KCNMB1: variants seen among roughly 807,000 people sequenced by gnomAD.
KCNMB1 encodes the protein calcium-activated potassium channel subunit beta-1.
In KCNMB1, 22 loss-of-function variants were observed where a neutral mutation model predicts 21.7. The ratio of observed to expected loss-of-function variants is 1.01; its 90% CI spans 0.72 to 1.45. The LOEUF (loss-of-function observed/expected upper bound fraction) is 1.45. Ranked by LOEUF, KCNMB1 falls within the 40% of genes most tolerant of loss-of-function variation. The pLI is 0.00. For synonymous variants in KCNMB1, 114 were observed against 107.6 expected (o/e 1.06, Z -0.37); for missense variants, 243 against 243.4 (o/e 1.00, Z 0.01).
At chr5:170,386,063 T>G (rs1192487109) in intron 1 of KCNMB1, among the ~76,000 whole-genome samples, 4 of 151,432 alleles carry the variant, frequency 2.6e-5, no homozygotes, top group Admixed American at 2.6e-4. Context: ...GAGGCGGAGC[T>G]TGCAGTGAGC....
chr5:170,383,560 C>G, intron 3 of KCNMB1, 119 bp downstream of exon 3: 1 of 1,111,938 alleles, frequency 9.0e-7, no homozygotes, highest in South Asian at 1.3e-5. Flanking sequence ...CTCATTCCAG[C>G]TGTGAGACCT....
intron 2 of KCNMB1, among the ~76,000 whole-genome samples, 161 bp from the exon 3 acceptor site, chr5:170,384,011 GT>G (rs1005652371): frequency 7.2e-5 from 11 of 152,200 alleles, no homozygotes; most frequent in Non-Finnish European, 1.3e-4. Context: ...TGACCCCACA[GT>G]CCCCGGACAC....
intron 3 of KCNMB1, among the ~76,000 whole-genome samples, chr5:170,379,715 G>A (rs753322955): frequency 1.3e-5 from 2 of 152,262 alleles, no homozygotes; most frequent in Admixed American, 6.5e-5. Flanking sequence ...TTGGGAAGCC[G>A]AAGGGGAAGG....
Position 170,378,738 on chromosome 5 carries a change from T to A in KCNMB1, c.542A>T (p.Asn181Ile), listed in dbSNP as rs775245071. Residue 181 changes from asparagine (N) to isoleucine (I), a missense_variant, in exon 4 of 4, where the codon AAC becomes ATC. Physicochemically the swap from Asn to Ile is moderately radical, Grantham distance 149. Coordinates refer to ENST00000274629, the MANE Select transcript of KCNMB1 (RefSeq NM_004137.4). ...GLLIIAMVKS[N>I]QYLSILAAQK Reference sequence around the variant, plus strand: ...GGCCGCCAGGATGGACAGGTACTGGTTGCTCTTCACCATGGCGATAATGAG... The same window carrying A: ...GGCCGCCAGGATGGACAGGTACTGGATGCTCTTCACCATGGCGATAATGAG... The A allele has an allele frequency of 5.6e-6, 9 of 1,613,944 alleles. No homozygotes were observed. Among genetic ancestry groups the A allele is most frequent in the Non-Finnish European group, 7.6e-6 (9 of 1,179,954 alleles).
chr5:170,388,517 C>T (rs1441597776), intron 1 of KCNMB1, among the ~76,000 whole-genome samples: 3 of 152,158 alleles, frequency 2.0e-5, no homozygotes, highest in Non-Finnish European at 4.4e-5. Context: ...ATATATCTTC[C>T]CATTTAGAAA....
chr5:170,375,243 T>C lies in KCNMB1; in HGVS notation c.*3461A>G, dbSNP rs942951421. 3 of 152,190 alleles carry C rather than the reference T, an allele frequency of 2.0e-5. No homozygotes were observed. Among genetic ancestry groups the C allele is most frequent in the Admixed American group, 1.3e-4 (2 of 15,288 alleles). 9.4% of individuals were successfully genotyped at this position (152,190 alleles called of 1,614,324 possible). A position where few individuals can be genotyped will look rare whatever the true frequency, so the allele number is the denominator to read the frequency against. On this transcript the variant is annotated 3_prime_UTR_variant, in exon 4 of 4. Coordinates refer to ENST00000274629, the MANE Select transcript of KCNMB1 (RefSeq NM_004137.4). ...AATATTTTGCAAAACTATAGTACAA[T>C]ATTACAATTAAGACTTTCTTAAAAG...
chr5:170,385,583 T>C (rs1764436312), intron 1 of KCNMB1, 112 bp from the exon 2 acceptor site: 11 of 1,024,880 alleles, frequency 1.1e-5, no homozygotes, highest in Non-Finnish European at 1.4e-5. Context: ...CACTCTTGTT[T>C]ATATTTGGAG....
In KCNMB1 at chr5:170,382,940, C is replaced by CAAGGAAGGAAGGAAGG. The variant is rs60329523; in HGVS notation, c.306+723_306+738dup. 4.6e-5 allele frequency: 6 copies of CAAGGAAGGAAGGAAGG among 131,156 alleles called. No individual in the cohort carries two copies. In the East Asian group the frequency reaches 1.1e-3, roughly 25 times the overall value. The allele number at this position is 131,156 out of a possible 1,614,324, so 8.1% of individuals were successfully genotyped here. On this transcript the variant is annotated intron_variant, in intron 3 of 3. Coordinates refer to ENST00000274629, the MANE Select transcript of KCNMB1 (RefSeq NM_004137.4). ...TAAATGAGAGGAGGAAAGAAGGAAA[C>CAAGGAAGGAAGGAAGG]AAGGAAGGAAGGAAGGAAGGAAGGA...
At chr5:170,380,109 G>A (rs964292564) in intron 3 of KCNMB1, among the ~76,000 whole-genome samples, 17 of 152,228 alleles carry the variant, frequency 1.1e-4, no homozygotes, top group African/African-American at 4.1e-4. Flanking sequence ...TGTGCCAGCA[G>A]AGCATGACAC....
At position 170,378,711 on chromosome 5, in the gene KCNMB1, T is replaced by A; in HGVS notation, c.569A>T (p.Gln190Leu). 2.5e-6 allele frequency: 4 copies of A among 1,610,144 alleles called. No homozygotes were observed. Among genetic ancestry groups the A allele is most frequent in the Non-Finnish European group, 3.4e-6 (4 of 1,178,166 alleles). ...SNQYLSILAA[Q>L]K ...TGGCATGGATGGATGGCTCTACTTCTGGGCCGCCAGGATGGACAGGTACTG... is the reference window on the plus strand; with the variant it reads ...TGGCATGGATGGATGGCTCTACTTCAGGGCCGCCAGGATGGACAGGTACTG... The change falls in exon 4 of 4, where the codon CAG becomes CTG. Residue 190 changes from glutamine to leucine, a missense_variant. Coordinates refer to ENST00000274629, the MANE Select transcript of KCNMB1 (RefSeq NM_004137.4).
At position 170,377,483 on chromosome 5, in the gene KCNMB1, G is replaced by C. The variant is rs1034665625; in HGVS notation, c.*1221C>G. On this transcript the variant is annotated 3_prime_UTR_variant, in exon 4 of 4. Transcript: ENST00000274629. Reference sequence around the variant, plus strand: ...AAATCTGAGATAGGCTTCCCCAGCAGGCTCAGTGCCAGAGTCCATACCCTC... The same window carrying C: ...AAATCTGAGATAGGCTTCCCCAGCACGCTCAGTGCCAGAGTCCATACCCTC... 2 of 152,182 alleles carry C rather than the reference G, an allele frequency of 1.3e-5. No homozygotes were observed. Among genetic ancestry groups the C allele is most frequent in the African/African-American group, 4.8e-5 (2 of 41,422 alleles). 9.4% of individuals were successfully genotyped at this position (152,182 alleles called of 1,614,324 possible).
chr5:170,379,028 AG>A (rs1764129161), intron 3 of KCNMB1, 55 bp from the exon 4 acceptor site: 1 of 1,581,812 alleles, frequency 6.3e-7, no homozygotes. Flanking sequence ...TTCTTAGCCA[AG>A]GGCTTGATAT....
In KCNMB1 at chr5:170,379,057, C is replaced by T. The variant is rs573317127; in HGVS notation, c.307-84G>A. ...CTTGATATGGAGTAAAGAAAAATAC[C>T]AGCTTTGTAGTCGGGCCCCTGGATT... On this transcript the variant is annotated intron_variant, in intron 3 of 3. Coordinates refer to ENST00000274629, the MANE Select transcript of KCNMB1 (RefSeq NM_004137.4). The T allele has an allele frequency of 6.6e-6, 10 of 1,509,298 alleles. No individual in the cohort carries two copies. The African/African-American group carries it at 1.3e-4, about 19-fold the overall frequency. The allele number at this position is 1,509,298 out of a possible 1,614,324, so 93.5% of individuals were successfully genotyped here. A position where few individuals can be genotyped will look rare whatever the true frequency, so the allele number is the denominator to read the frequency against.
At chr5:170,384,340 A>G (rs950236605) in intron 2 of KCNMB1, among the ~76,000 whole-genome samples, 1 of 152,212 alleles carries the variant, frequency 6.6e-6, no homozygotes, top group African/African-American at 2.4e-5. Flanking sequence ...ACCTGAAGCT[A>G]GGTCTGAGTG....
At chr5:170,386,294 G>A (rs1185262925) in intron 1 of KCNMB1, among the ~76,000 whole-genome samples, 1 of 152,228 alleles carries the variant, frequency 6.6e-6, no homozygotes, top group East Asian at 1.9e-4. Context: ...ACAGCAATTA[G>A]AGTGATGTGA....
intron 2 of KCNMB1, among the ~76,000 whole-genome samples, chr5:170,384,994 C>G (rs377590395): frequency 3.9e-5 from 6 of 152,214 alleles, no homozygotes; most frequent in Non-Finnish European, 8.8e-5. Context: ...TTCTCTGATT[C>G]CTCCTGGGAT....
chr5:170,383,290 A>G, intron 3 of KCNMB1: 1 of 433,988 alleles, frequency 2.3e-6, no homozygotes, highest in South Asian at 3.8e-5. Context: ...CTGAGGTTGT[A>G]GAATGAAAGT....
At position 170,376,564 on chromosome 5, in the gene KCNMB1, G is replaced by T. The variant is rs1301161972; in HGVS notation, c.*2140C>A. ...CTCAGTGTGTGTTGTTCCCCTCTTT[G>T]TGTCCATGTGTTTTCATCATTTAGC... is the stretch of plus-strand genomic sequence containing the variant. On this transcript the variant is annotated 3_prime_UTR_variant, in exon 4 of 4. Coordinates refer to ENST00000274629, the MANE Select transcript of KCNMB1 (RefSeq NM_004137.4). The T allele has an allele frequency of 6.6e-6, 1 of 151,934 alleles. No individual in the cohort carries two copies. The highest frequency in any genetic ancestry group is 2.4e-5 in the African/African-American group (1 of 41,342). 9.4% of individuals were successfully genotyped at this position (151,934 alleles called of 1,614,324 possible). A position where few individuals can be genotyped will look rare whatever the true frequency, so the allele number is the denominator to read the frequency against.
intron 1 of KCNMB1, among the ~76,000 whole-genome samples, chr5:170,385,895 G>A (rs550354910): frequency 9.9e-5 from 15 of 151,980 alleles, no homozygotes; most frequent in East Asian, 9.7e-4. Context: ...CGAGGTGGGC[G>A]GATCATGAGG....
Sources: gnomAD v4.1 joint callset for allele counts (sites outside exome capture counted in the v4.1 genomes callset) on GRCh38, gnomAD v4.1.1 for gene constraint, MANE v1.5 for transcripts, NCBI Gene and HGNC (gene_info 2026-07-23, HGNC 2026-07-21) for gene names.